The following CRPPA variants were observed in gnomAD, a reference collection of about 807,000 sequenced individuals.
CRPPA encodes the protein D-ribitol-5-phosphate cytidylyltransferase.
Under a neutral mutation model 52.0 loss-of-function variants are expected in CRPPA, and 43 were observed. The ratio of observed to expected loss-of-function variants is 0.83; its 90% CI spans 0.65 to 1.07. The LOEUF is 1.07. Ranked by LOEUF, CRPPA falls within the 50% of genes least tolerant of loss-of-function variation. The pLI, the probability that CRPPA is intolerant of heterozygous loss-of-function variation, is 0.00. For synonymous variants in CRPPA, 250 were observed against 203.5 expected (o/e 1.23, Z -1.94); for missense variants, 629 against 551.7 (o/e 1.14, Z -1.40).
At chr7:16,401,909 A>G (rs1244660700) in intron 2 of CRPPA, among the ~76,000 whole-genome samples, 1 of 152,208 alleles carries the variant, frequency 6.6e-6, no homozygotes, top group Non-Finnish European at 1.5e-5. Flanking sequence ...GCCTTTTAAG[A>G]GTATGTCTGG....
chr7:16,110,452 T>C (rs557325218), intron 9 of CRPPA, among the ~76,000 whole-genome samples: 8 of 152,144 alleles, frequency 5.3e-5, no homozygotes, highest in Admixed American at 3.3e-4. Context: ...GCAAAAAACC[T>C]TGAATAGCCA....
chr7:16,209,114 A>C (rs1782048146), intron 9 of CRPPA: 4 of 359,480 alleles, frequency 1.1e-5, no homozygotes, highest in South Asian at 9.7e-5. Flanking sequence ...CCAATTATCC[A>C]GAAAAAGCTA....
intron 9 of CRPPA, among the ~76,000 whole-genome samples, chr7:16,165,552 C>A (rs916414292): frequency 7.9e-5 from 12 of 152,210 alleles, no homozygotes; most frequent in African/African-American, 2.9e-4. Flanking sequence ...GCAGCTATGT[C>A]TGTATGGAAA....
intron 9 of CRPPA, among the ~76,000 whole-genome samples, chr7:16,127,909 T>C (rs1194848310): frequency 1.3e-5 from 2 of 152,230 alleles, no homozygotes; most frequent in African/African-American, 4.8e-5. Flanking sequence ...TCAAATGTTA[T>C]GTTAATTTTG....
chr7:16,241,273 A>G lies in CRPPA; in HGVS notation c.1119+17117T>C, dbSNP rs182126289. ...TTAAAGATAATTTATTGTAATGTCA[A>G]TAAACTACTTCCTAATAACTAGAAC... On this transcript the variant is annotated intron_variant, in intron 8 of 9. Coordinates refer to ENST00000407010, the MANE Select transcript of CRPPA (RefSeq NM_001101426.4). Among the ~76,000 whole-genome samples the G allele has an allele frequency of 7.6e-3, 1,164 of 152,338 alleles. 8 individuals are homozygous for G. The highest frequency in any genetic ancestry group is 0.024 in the Middle Eastern group (7 of 294).
intron 3 of CRPPA, among the ~76,000 whole-genome samples, chr7:16,355,108 C>T (rs929224898): frequency 1.3e-5 from 2 of 152,148 alleles, no homozygotes; most frequent in Admixed American, 6.5e-5. Flanking sequence ...TAAAGCATGT[C>T]CATGTCGTAA....
At chr7:16,257,940 T>C (rs1220197284) in intron 8 of CRPPA, among the ~76,000 whole-genome samples, 2 of 152,238 alleles carry the variant, frequency 1.3e-5, no homozygotes, top group African/African-American at 2.4e-5. Context: ...TTCTCTTTAA[T>C]TCGTGTTCTA....
chr7:16,410,668 C>T (rs1788058595), intron 1 of CRPPA, among the ~76,000 whole-genome samples: 1 of 152,166 alleles, frequency 6.6e-6, no homozygotes, highest in African/African-American at 2.4e-5. Context: ...TGACCTCAGC[C>T]TACTTCATGC....
chr7:16,262,831 G>A (rs1783845965), intron 6 of CRPPA, among the ~76,000 whole-genome samples: 1 of 152,180 alleles, frequency 6.6e-6, no homozygotes, highest in Non-Finnish European at 1.5e-5. Context: ...GGGTTTAGAA[G>A]ACATCAGCCA....
At chr7:16,212,974 A>AAG (rs1167919463) in intron 9 of CRPPA, among the ~76,000 whole-genome samples, 1 of 152,250 alleles carries the variant, frequency 6.6e-6, no homozygotes, top group Non-Finnish European at 1.5e-5. Context: ...AAAACTGCTT[A>AAG]CAGCACTTTA....
At chr7:16,180,029 G>C (rs551096399) in intron 9 of CRPPA, among the ~76,000 whole-genome samples, 1 of 152,170 alleles carries the variant, frequency 6.6e-6, no homozygotes, top group African/African-American at 2.4e-5. Flanking sequence ...TAATTTGCTA[G>C]GTTTGTTAGA....
At position 16,383,655 on chromosome 7, in the gene CRPPA, G is replaced by A. The variant is rs540970709; in HGVS notation, c.535-7414C>T. 1.3e-4 allele frequency among the ~76,000 whole-genome samples: 20 copies of A among 152,316 alleles called. No homozygotes were observed. The South Asian group carries it at 2.1e-3, about 16-fold the overall frequency. On this transcript the variant is annotated intron_variant, in intron 2 of 9. Coordinates refer to ENST00000407010, the MANE Select transcript of CRPPA (RefSeq NM_001101426.4). Reference sequence around the variant, plus strand: ...AGCTGTGGTGGGCTCCACCCAGTTCGAGCTTCCAGGCTGCTTTGTTTACCT... The same window carrying A: ...AGCTGTGGTGGGCTCCACCCAGTTCAAGCTTCCAGGCTGCTTTGTTTACCT...
intron 3 of CRPPA, among the ~76,000 whole-genome samples, chr7:16,315,609 T>A (rs1301806374): frequency 6.6e-6 from 1 of 152,088 alleles, no homozygotes; most frequent in East Asian, 1.9e-4. Context: ...AGCAGAATGC[T>A]CTAGCATTTT....
At chr7:16,204,924 T>C (rs889509018) in intron 9 of CRPPA, among the ~76,000 whole-genome samples, 1 of 152,188 alleles carries the variant, frequency 6.6e-6, no homozygotes, top group Admixed American at 6.5e-5. Context: ...CTTTACTGTA[T>C]ATTTTACATC....
intron 9 of CRPPA, among the ~76,000 whole-genome samples, chr7:16,110,571 GGAGA>G (rs879464182): frequency 1.3e-5 from 2 of 151,884 alleles, no homozygotes; most frequent in Admixed American, 1.3e-4. Flanking sequence ...TTAAAAAGAG[GGAGA>G]GAGAGACATA....
intron 3 of CRPPA, among the ~76,000 whole-genome samples, chr7:16,313,289 T>C (rs1785074137): frequency 6.6e-6 from 1 of 152,058 alleles, no homozygotes; most frequent in Admixed American, 6.6e-5. Context: ...CTGTATGATT[T>C]TGGGCTATTG....
intron 9 of CRPPA, among the ~76,000 whole-genome samples, chr7:16,187,791 G>A (rs1781535361): frequency 6.6e-6 from 1 of 152,118 alleles, no homozygotes; most frequent in Non-Finnish European, 1.5e-5. Flanking sequence ...ATGGGGAGGA[G>A]ACATGGATTT....
At chr7:16,378,956 T>C (rs1786992405) in intron 2 of CRPPA, among the ~76,000 whole-genome samples, 1 of 152,026 alleles carries the variant, frequency 6.6e-6, no homozygotes, top group Non-Finnish European at 1.5e-5. Context: ...TTTGATGGGG[T>C]TGTTTTTTTC....
chr7:16,126,483 C>T (rs1036851562), intron 9 of CRPPA, among the ~76,000 whole-genome samples: 1 of 151,962 alleles, frequency 6.6e-6, no homozygotes, highest in Non-Finnish European at 1.5e-5. Context: ...AAGGCCAATA[C>T]CATGAAAGGA....
Sources: allele counts gnomAD v4.1 joint callset (sites outside exome capture counted in the v4.1 genomes callset), GRCh38; gene constraint gnomAD v4.1.1; transcripts MANE v1.5; gene names NCBI Gene and HGNC (gene_info 2026-07-23, HGNC 2026-07-21).